FARP1: variants seen among roughly 807,000 people sequenced by gnomAD.
FARP1 encodes the protein FERM, ARHGEF and pleckstrin domain-containing protein 1.
Under a neutral mutation model 128.8 loss-of-function variants are expected in FARP1, and 52 were observed. The observed-to-expected ratio is 0.40, with a 90% CI of 0.32 to 0.51. The LOEUF is 0.51. Among genes scored for constraint, FARP1 ranks in the 20% least tolerant of loss-of-function variants. FARP1 has a pLI of 0.45. For synonymous variants in FARP1, 580 were observed against 551.8 expected (o/e 1.05, Z -0.72); for missense variants, 1,333 against 1,367.9 (o/e 0.97, Z 0.40).
chr13:98,346,840 G>T (rs7991914), intron 3 of FARP1, among the ~76,000 whole-genome samples: 1 of 152,130 alleles, frequency 6.6e-6, no homozygotes, highest in Non-Finnish European at 1.5e-5. Flanking sequence ...AGGGTCTTGG[G>T]TGTGTTCTCT....
Position 98,246,134 on chromosome 13 carries a change from A to G in FARP1, c.171+32721A>G, listed in dbSNP as rs1169110724. Reference sequence around the variant, plus strand: ...TTTTTTGAGACGGAGTCTCGCTGTCACCCAGGCTGGAGTGCAGTGGCGCAA... The same window carrying G: ...TTTTTTGAGACGGAGTCTCGCTGTCGCCCAGGCTGGAGTGCAGTGGCGCAA... On this transcript the variant is annotated intron_variant, in intron 2 of 26. Transcript: ENST00000319562. Among the ~76,000 whole-genome samples, 17 of 99,438 alleles carry G rather than the reference A, an allele frequency of 1.7e-4. 1 individual carries two copies. Among genetic ancestry groups the G allele is most frequent in the Admixed American group, 1.0e-3 (6 of 5,938 alleles). 65.2% of individuals were successfully genotyped at this position (99,438 alleles called of 152,430 possible).
rs1187691710 is a variant in FARP1 at position 98,449,142 on chromosome 13, C to T, written c.*825C>T. On this transcript the variant is annotated 3_prime_UTR_variant, in exon 27 of 27. Coordinates refer to ENST00000319562, the MANE Select transcript of FARP1 (RefSeq NM_005766.4). The stretch of plus-strand genomic sequence containing the variant: ...GTCACAAGCATGAAAACCCGTGTGT[C>T]ATTGATCAGCACCATTTGTGGTATG... 1 of 152,168 alleles carries T rather than the reference C, an allele frequency of 6.6e-6. No individual in the cohort carries two copies. Among genetic ancestry groups the T allele is most frequent in the Non-Finnish European group, 1.5e-5 (1 of 68,038 alleles). 9.4% of individuals were successfully genotyped at this position (152,168 alleles called of 1,614,324 possible).
intron 2 of FARP1, chr13:98,329,858 G>C (rs1038241800): frequency 2.6e-5 from 4 of 152,170 alleles, no homozygotes; most frequent in African/African-American, 9.7e-5. Context: ...CATATCCTGA[G>C]GGAGTGTGCC....
intron 1 of FARP1, chr13:98,175,920 T>TTG (rs1023960909): frequency 6.6e-5 from 35 of 530,954 alleles, no homozygotes; most frequent in African/African-American, 6.3e-4. Context: ...TAGCATTCCA[T>TTG]TGTGTGTGTG....
At chr13:98,327,810 A>AGCGG (rs1887299675) in intron 2 of FARP1, among the ~76,000 whole-genome samples, 1 of 152,202 alleles carries the variant, frequency 6.6e-6, no homozygotes, top group African/African-American at 2.4e-5. Flanking sequence ...CAGCCTGCAA[A>AGCGG]GCGGGCATTC....
intron 2 of FARP1, among the ~76,000 whole-genome samples, chr13:98,294,700 G>T (rs779530728): frequency 6.6e-6 from 1 of 151,744 alleles, no homozygotes; most frequent in Non-Finnish European, 1.5e-5. Flanking sequence ...GGAGTGAAAA[G>T]CATTTTATTC....
chr13:98,204,658 T>C (rs150661714), intron 1 of FARP1, among the ~76,000 whole-genome samples: 81 of 152,340 alleles, frequency 5.3e-4, no homozygotes, highest in African/African-American at 1.8e-3. Context: ...AATTCTCACC[T>C]GTTTAAAATG....
chr13:98,327,123 A>T (rs1204350647), intron 2 of FARP1, among the ~76,000 whole-genome samples: 1 of 152,188 alleles, frequency 6.6e-6, no homozygotes, highest in Non-Finnish European at 1.5e-5. Flanking sequence ...CACATTTCGA[A>T]TGCTGTCAAA....
rs559971088 is a variant in FARP1 at position 98,448,153 on chromosome 13, T to TG, written c.3057-82dup. 484 of 1,197,772 alleles carry TG rather than the reference T, an allele frequency of 4.0e-4. No homozygotes were observed. The African/African-American group carries it at 4.7e-3, about 12-fold the overall frequency. 74.2% of individuals were successfully genotyped at this position (1,197,772 alleles called of 1,614,324 possible). A position where few individuals can be genotyped will look rare whatever the true frequency, so the allele number is the denominator to read the frequency against. ...CCAACCAGGCGGCCTGACTTCACCT[T>TG]GTGTTTCTGTAAGCGATGCCCACCA... On this transcript the variant is annotated intron_variant, in intron 26 of 26. Coordinates refer to ENST00000319562, the MANE Select transcript of FARP1 (RefSeq NM_005766.4).
intron 8 of FARP1, among the ~76,000 whole-genome samples, chr13:98,387,500 G>A (rs1315899048): frequency 1.3e-5 from 2 of 152,124 alleles, no homozygotes; most frequent in African/African-American, 4.8e-5. Context: ...CCTGTGTCTC[G>A]GAACCCACCT....
At chr13:98,256,850 A>C (rs1164307597) in intron 2 of FARP1, among the ~76,000 whole-genome samples, 2 of 138,416 alleles carry the variant, frequency 1.4e-5, no homozygotes, top group African/African-American at 5.3e-5. Context: ...GTGAGCCACC[A>C]CACTTGGCCT....
chr13:98,351,073 G>C (rs1288356864), intron 3 of FARP1, among the ~76,000 whole-genome samples: 6 of 113,428 alleles, frequency 5.3e-5, no homozygotes. Flanking sequence ...GCCCAGCCTC[G>C]CCTCCCCACA....
chr13:98,423,710 T>A (rs1447567744), intron 16 of FARP1, among the ~76,000 whole-genome samples: 1 of 152,184 alleles, frequency 6.6e-6, no homozygotes, highest in Non-Finnish European at 1.5e-5. Flanking sequence ...CACTATAACA[T>A]GAGGGTGATA....
chr13:98,426,212 G>A (rs565166129), intron 17 of FARP1, among the ~76,000 whole-genome samples: 2 of 152,240 alleles, frequency 1.3e-5, no homozygotes, highest in African/African-American at 4.8e-5. Context: ...TCTCAGCCGG[G>A]TGTGGTGGCT....
At chr13:98,346,386 C>T (rs1888180014) in intron 3 of FARP1, among the ~76,000 whole-genome samples, 1 of 147,488 alleles carries the variant, frequency 6.8e-6, no homozygotes, top group African/African-American at 2.5e-5. Flanking sequence ...GATGGGGTTT[C>T]ACCATGTTGG....
At chr13:98,171,677 C>G (rs552704759) in intron 1 of FARP1, among the ~76,000 whole-genome samples, 44 of 152,278 alleles carry the variant, frequency 2.9e-4, no homozygotes, top group Non-Finnish European at 5.9e-4. Context: ...TAGCAGTAAT[C>G]ATACCAGAGC....
At chr13:98,221,668 G>T (rs9517219) in intron 2 of FARP1, among the ~76,000 whole-genome samples, 6 of 152,130 alleles carry the variant, frequency 3.9e-5, no homozygotes, top group African/African-American at 1.4e-4. Context: ...TTGCTTTCCT[G>T]ATTTCTTGAT....
At chr13:98,315,511 C>T (rs192665072) in intron 2 of FARP1, among the ~76,000 whole-genome samples, 9 of 152,136 alleles carry the variant, frequency 5.9e-5, no homozygotes, top group East Asian at 1.9e-4. Context: ...TACTTGTGCC[C>T]GTTTGTCTCC....
chr13:98,372,027 G>A (rs1460758385), intron 5 of FARP1, among the ~76,000 whole-genome samples: 2 of 151,224 alleles, frequency 1.3e-5, no homozygotes, highest in Non-Finnish European at 2.9e-5. Context: ...TGACTCCTGG[G>A]TGCAGCCTCA....
Sources: allele counts gnomAD v4.1 joint callset (sites outside exome capture counted in the v4.1 genomes callset), GRCh38; gene constraint gnomAD v4.1.1; transcripts MANE v1.5; gene names NCBI Gene and HGNC (gene_info 2026-07-23, HGNC 2026-07-21).